NUBP2: variants seen among roughly 807,000 people sequenced by gnomAD.
NUBP2 encodes NUBP iron-sulfur cluster assembly factor 2, cytosolic.
Under a neutral mutation model 24.9 loss-of-function variants are expected in NUBP2, and 23 were observed. The ratio of observed to expected loss-of-function variants is 0.92; its 90% confidence interval spans 0.66 to 1.31. The LOEUF (loss-of-function observed/expected upper bound fraction) is 1.31, where lower values mean the gene tolerates loss of function less well. Ranked by LOEUF, NUBP2 falls within the 50% of genes most tolerant of loss-of-function variation. NUBP2 has a pLI of 0.00. For missense variants in NUBP2, 403 were observed against 386.5 expected, an observed-to-expected ratio of 1.04 and a Z score of -0.36; for synonymous variants, 186 against 170.9, an observed-to-expected ratio of 1.09 and a Z score of -0.69.
chr16:1,788,719 G>C lies in NUBP2; in HGVS notation c.*5G>C. ...ACGCCCGCGTGCCTCCCCTGACTAAGGCCACCTTGCAGCCGCTTTCCAGGG... is the reference window on the plus strand; with the variant it reads ...ACGCCCGCGTGCCTCCCCTGACTAACGCCACCTTGCAGCCGCTTTCCAGGG... On this transcript the variant is annotated 3_prime_UTR_variant, in exon 7 of 7. Coordinates refer to ENST00000262302, the MANE Select transcript of NUBP2 (RefSeq NM_012225.4). 5 of 1,606,624 alleles carry C rather than the reference G, an allele frequency of 3.1e-6. No homozygotes were observed. The highest frequency in any genetic ancestry group is 3.4e-6 in the Non-Finnish European group (4 of 1,176,016).
At position 1,788,973 on chromosome 16, in the gene NUBP2, G is replaced by A. The variant is rs1027506692; in HGVS notation, c.*259G>A. On this transcript the variant is annotated 3_prime_UTR_variant, in exon 7 of 7. Transcript: ENST00000262302. ...CCTGGGCTCTCTTCCCATCCATGTT[G>A]CCTACCTGTGCCCCTGGCAGCCGCG... The A allele has an allele frequency of 4.2e-6, 2 of 474,764 alleles. No homozygotes were observed. Among genetic ancestry groups the A allele is most frequent in the African/African-American group, 2.0e-5 (1 of 50,420 alleles). The allele number at this position is 474,764 out of a possible 1,614,324, so 29.4% of individuals were successfully genotyped here.
rs1896997820 is a variant in NUBP2 at position 1,786,851 on chromosome 16, C to T, written c.230C>T (p.Ala77Val). The change falls in exon 3 of 7, where the codon GCA (alanine) becomes GTA (valine). Residue 77 changes from alanine to valine, a missense_variant. Physicochemically the swap from Ala to Val is moderately conservative, Grantham distance 64. Transcript: ENST00000262302. ...GTGCACCAGTGCGACCGCGGCTGGG[C>T]ACCCGTCTTCCTGGACCGGGAGCAG... The part of the protein sequence containing the change: ...RAVHQCDRGW[A>V]PVFLDREQSI... 1.3e-6 allele frequency: 2 copies of T among 1,594,694 alleles called. No homozygotes were observed. Among genetic ancestry groups the T allele is most frequent in the Non-Finnish European group, 1.7e-6 (2 of 1,166,798 alleles).
Position 1,786,860 on chromosome 16 carries a change from T to C in NUBP2, c.239T>C (p.Phe80Ser). 6.3e-7 allele frequency: 1 copy of C among 1,592,650 alleles called. No individual in the cohort carries two copies. Among genetic ancestry groups the C allele is most frequent in the South Asian group, 1.1e-5 (1 of 90,020 alleles). ...HQCDRGWAPVFLDREQSISLM... is the reference protein window; with the variant it reads ...HQCDRGWAPVSLDREQSISLM... ...TGCGACCGCGGCTGGGCACCCGTCT[T>C]CCTGGACCGGGAGCAGAGCATCTCG... is the stretch of plus-strand genomic sequence containing the variant. The change falls in exon 3 of 7, where the codon TTC (phenylalanine) becomes TCC (serine). Residue 80 changes from phenylalanine (F) to serine (S), a missense_variant. By Grantham distance (155) the Phe-to-Ser change is radical. Transcript: ENST00000262302.
At chr16:1,787,371 C>T in intron 3 of NUBP2, 1 of 482,164 alleles carries the variant, frequency 2.1e-6, no homozygotes, top group Non-Finnish European at 3.7e-6. Context: ...GTGGGTGCTC[C>T]CATGTGTGGG....
rs781161875 is a variant in NUBP2, at chr16:1,788,156, T to C, written c.619T>C (p.Ser207Pro). 5.2e-6 allele frequency: 8 copies of C among 1,542,342 alleles called. No individual in the cohort carries two copies. The African/African-American group carries it at 6.9e-5, about 13-fold the overall frequency. The change falls in exon 6 of 7, where the codon TCC (serine) becomes CCC (proline). Residue 207 changes from serine (S) to proline (P), a missense_variant. Physicochemically the swap from Ser to Pro is moderately conservative, Grantham distance 74. Transcript: ENST00000262302. ...PHCTECTSVFSRGGGEELAQL... is the reference protein window; with the variant it reads ...PHCTECTSVFPRGGGEELAQL... Reference sequence around the variant, plus strand: ...CTCCTAGGAGTGCACCAGCGTCTTCTCCAGGGGCGGCGGAGAGGAGCTGGC... The same window carrying C: ...CTCCTAGGAGTGCACCAGCGTCTTCCCCAGGGGCGGCGGAGAGGAGCTGGC...
intron 1 of NUBP2, chr16:1,784,049 G>A (rs968828458): frequency 2.0e-6 from 2 of 984,574 alleles, no homozygotes; most frequent in Admixed American, 6.2e-5. Flanking sequence ...CTTATTATCA[G>A]GACGGATTTA....
intron 1 of NUBP2, chr16:1,784,603 G>C (rs906484401): frequency 1.3e-5 from 2 of 150,910 alleles, no homozygotes; most frequent in African/African-American, 4.9e-5. Context: ...ACAGGGTTTC[G>C]CCATGTTGGC....
rs1897127931 is a variant in NUBP2 at position 1,788,879 on chromosome 16, C to G, written c.*165C>G. 8 of 902,216 alleles carry G rather than the reference C, an allele frequency of 8.9e-6. No individual in the cohort carries two copies. The highest frequency in any genetic ancestry group is 2.0e-5 in the South Asian group (1 of 50,970). 55.9% of individuals were successfully genotyped at this position (902,216 alleles called of 1,614,324 possible). On this transcript the variant is annotated 3_prime_UTR_variant, in exon 7 of 7. Coordinates refer to ENST00000262302, the MANE Select transcript of NUBP2 (RefSeq NM_012225.4). ...CAGCCCAGCCCCAGGATGTGTCGCA[C>G]CAGCAGCTCTGCCTGGTTGGCCTGC...
rs1897089989 is a variant in NUBP2, at chr16:1,788,343, A to G, written c.670+136A>G. 4 of 1,089,638 alleles carry G rather than the reference A, an allele frequency of 3.7e-6. No individual in the cohort carries two copies. In the East Asian group the frequency reaches 1.1e-4, roughly 30 times the overall value. 67.5% of individuals were successfully genotyped at this position (1,089,638 alleles called of 1,614,324 possible). On this transcript the variant is annotated intron_variant, in intron 6 of 6. Coordinates refer to ENST00000262302, the MANE Select transcript of NUBP2 (RefSeq NM_012225.4). ...GTTTCCTCCTCTCTTCTCGGGCCACACGCCATGCCGCTGAGACCTGCAGGT... is the reference window on the plus strand; with the variant it reads ...GTTTCCTCCTCTCTTCTCGGGCCACGCGCCATGCCGCTGAGACCTGCAGGT...
chr16:1,783,236 A>C (rs1403947731), intron 1 of NUBP2, 200 bp downstream of exon 1: 3 of 1,163,252 alleles, frequency 2.6e-6, no homozygotes, highest in Non-Finnish European at 3.2e-6. Flanking sequence ...TCGATGTGGA[A>C]GCTCCGTGAT....
At chr16:1,788,117 G>A (rs1404465039) in intron 5 of NUBP2, 21 bp from the exon 6 acceptor site, 1 of 1,554,584 alleles carries the variant, frequency 6.4e-7, no homozygotes, top group East Asian at 2.3e-5. Flanking sequence ...GGGCAGTGCT[G>A]GGCTCACCAC....
In NUBP2 at chr16:1,783,010, G is replaced by C. The variant is rs1896792461; in HGVS notation, c.-11G>C. The stretch of plus-strand genomic sequence containing the variant: ...AGCGGACTGCAGCCGCGAGCTCCTG[G>C]AGGCGGCGGGATGGAGGCGGCGGCC... On this transcript the variant is annotated 5_prime_UTR_variant, in exon 1 of 7. Coordinates refer to ENST00000262302, the MANE Select transcript of NUBP2 (RefSeq NM_012225.4). 1 of 1,393,352 alleles carries C rather than the reference G, an allele frequency of 7.2e-7. No individual in the cohort carries two copies. The highest frequency in any genetic ancestry group is 9.4e-7 in the Non-Finnish European group (1 of 1,069,476). 86.3% of individuals were successfully genotyped at this position (1,393,352 alleles called of 1,614,324 possible).
At chr16:1,788,351 C>A in intron 6 of NUBP2, 144 bp downstream of exon 6, 1 of 1,072,560 alleles carries the variant, frequency 9.3e-7, no homozygotes, top group Non-Finnish European at 1.3e-6. Context: ...ACACGCCATG[C>A]CGCTGAGACC....
Position 1,783,056 on chromosome 16 carries a change from G to A in NUBP2, c.16+20G>A. 1 of 1,305,346 alleles carries A rather than the reference G, an allele frequency of 7.7e-7. No homozygotes were observed. Among genetic ancestry groups the A allele is most frequent in the Non-Finnish European group, 9.8e-7 (1 of 1,024,152 alleles). The allele number at this position is 1,305,346 out of a possible 1,614,324, so 80.9% of individuals were successfully genotyped here. On this transcript the variant is annotated intron_variant, in intron 1 of 6. Transcript: ENST00000262302. ...CGGCCGGTGAGTGGCGGGCCAGGGT[G>A]CGGAGCCGCTCCAGGGCCTCGCTTG...
At chr16:1,787,886 C>T (rs1024759325) in intron 4 of NUBP2, 55 bp downstream of exon 4, 534 of 1,600,878 alleles carry the variant, frequency 3.3e-4, no homozygotes, top group African/African-American at 1.7e-3. Context: ...GAGGGCTGGG[C>T]GGGTGTCCCT....
chr16:1,788,718 A>G lies in NUBP2; in HGVS notation c.*4A>G. Reference sequence around the variant, plus strand: ...GACGCCCGCGTGCCTCCCCTGACTAAGGCCACCTTGCAGCCGCTTTCCAGG... The same window carrying G: ...GACGCCCGCGTGCCTCCCCTGACTAGGGCCACCTTGCAGCCGCTTTCCAGG... On this transcript the variant is annotated 3_prime_UTR_variant, in exon 7 of 7. Coordinates refer to ENST00000262302, the MANE Select transcript of NUBP2 (RefSeq NM_012225.4). 1 of 1,606,682 alleles carries G rather than the reference A, an allele frequency of 6.2e-7. No individual in the cohort carries two copies. The highest frequency in any genetic ancestry group is 8.5e-7 in the Non-Finnish European group (1 of 1,176,096).
At chr16:1,788,098 GGGGGCTTT>G (rs760849288) in intron 5 of NUBP2, 32 bp from the exon 6 acceptor site, 2 of 1,555,680 alleles carry the variant, frequency 1.3e-6, no homozygotes, top group Non-Finnish European at 1.7e-6. Flanking sequence ...CCTGGCCGGT[GGGGGCTTT>G]GGGCAGTGCT....
Position 1,783,399 on chromosome 16 carries a change from GTC to G in NUBP2, c.16+367_16+368del. On this transcript the variant is annotated intron_variant, in intron 1 of 6. Transcript: ENST00000262302. Reference sequence around the variant, plus strand: ...GCAGCCCGGGCAAGAGCGAGACCCTGTCTCTAAATAAATCACACGCGCGCAGT... The same window carrying G: ...GCAGCCCGGGCAAGAGCGAGACCCTGTCTAAATAAATCACACGCGCGCAGT... 3.8e-6 allele frequency: 4 copies of G among 1,051,360 alleles called. No homozygotes were observed. The South Asian group carries it at 1.4e-4, about 36-fold the overall frequency. 65.1% of individuals were successfully genotyped at this position (1,051,360 alleles called of 1,614,324 possible).
Position 1,788,877 on chromosome 16 carries a change from C to A in NUBP2, c.*163C>A. On this transcript the variant is annotated 3_prime_UTR_variant, in exon 7 of 7. Transcript: ENST00000262302. ...ACCAGCCCAGCCCCAGGATGTGTCG[C>A]ACCAGCAGCTCTGCCTGGTTGGCCT... The A allele has an allele frequency of 1.1e-6, 1 of 914,798 alleles. No individual in the cohort carries two copies. The highest frequency in any genetic ancestry group is 1.6e-6 in the Non-Finnish European group (1 of 633,312). 56.7% of individuals were successfully genotyped at this position (914,798 alleles called of 1,614,324 possible).
Sources: gnomAD v4.1 joint callset for allele counts on GRCh38, gnomAD v4.1.1 for gene constraint, MANE v1.5 for transcripts, NCBI Gene and HGNC (gene_info 2026-07-23, HGNC 2026-07-21) for gene names.